The following CPVL variants were observed in gnomAD, a reference collection of about 807,000 sequenced individuals.
CPVL encodes the protein carboxypeptidase vitellogenic like.
Under a neutral mutation model 63.7 loss-of-function variants are expected in CPVL, and 51 were observed. That is an observed-to-expected ratio of 0.80 (90% confidence interval 0.64 to 1.01). CPVL has a LOEUF of 1.01. Ranked by LOEUF, CPVL falls within the 50% of genes least tolerant of loss-of-function variation. CPVL has a pLI of 0.00. For synonymous variants in CPVL, 195 were observed against 206.0 expected (o/e 0.95, Z 0.46); for missense variants, 530 against 573.1 (o/e 0.92, Z 0.77).
At chr7:29,194,934 G>T in intron 1 of CPVL, 6 of 1,565,876 alleles carry the variant, frequency 3.8e-6, no homozygotes, top group Non-Finnish European at 5.2e-6. Context: ...CGCGAGGGGC[G>T]CGCGGAGATG....
chr7:28,996,040 T>C, intron 12 of CPVL, 158 bp from the exon 13 acceptor site: 1 of 510,464 alleles, frequency 2.0e-6, no homozygotes, highest in Non-Finnish European at 3.4e-6. Context: ...ATCTGGCTGT[T>C]GATGGCTTTT....
chr7:29,195,137 G>T, exon 1 of CPVL: 1 of 778,204 alleles, frequency 1.3e-6, no homozygotes, highest in Non-Finnish European at 1.9e-6. Context: ...ATACTTGTTT[G>T]GTTCGCCAGC....
At chr7:29,093,758 T>C (rs957055465) in intron 5 of CPVL, among the ~76,000 whole-genome samples, 1 of 152,212 alleles carries the variant, frequency 6.6e-6, no homozygotes, top group South Asian at 2.1e-4. Flanking sequence ...GTTTAATTCA[T>C]CTTTTACTTA....
intron 3 of CPVL, among the ~76,000 whole-genome samples, chr7:29,109,089 G>A (rs1033721553): frequency 6.6e-6 from 1 of 152,204 alleles, no homozygotes. Context: ...AAAATGCACA[G>A]TGCCTAGCAC....
chr7:29,190,951 CT>C (rs903404885), intron 1 of CPVL, among the ~76,000 whole-genome samples: 2 of 151,382 alleles, frequency 1.3e-5, no homozygotes, highest in African/African-American at 2.4e-5. Flanking sequence ...TTTTTTTTCC[CT>C]GAGACAGGGC....
chr7:29,145,103 A>T (rs1035638931), intron 1 of CPVL, among the ~76,000 whole-genome samples: 4 of 151,826 alleles, frequency 2.6e-5, no homozygotes, highest in African/African-American at 7.3e-5. Flanking sequence ...ACGACCATGC[A>T]GACTTTCATA....
At chr7:29,185,013 C>T (rs569149286) in intron 3 of CPVL, among the ~76,000 whole-genome samples, 2 of 152,138 alleles carry the variant, frequency 1.3e-5, no homozygotes, top group African/African-American at 4.8e-5. Context: ...GTCTGTGATA[C>T]CCCCTCTTTC....
chr7:29,130,180 G>A (rs1192427571), intron 1 of CPVL, among the ~76,000 whole-genome samples: 2 of 152,212 alleles, frequency 1.3e-5, no homozygotes, highest in East Asian at 3.9e-4. Context: ...GACTATGGAA[G>A]GAGTTGGGAT....
chr7:29,068,625 C>T (rs935395796), intron 9 of CPVL, among the ~76,000 whole-genome samples: 1 of 151,868 alleles, frequency 6.6e-6, no homozygotes, highest in Non-Finnish European at 1.5e-5. Context: ...ATGGAGGCAT[C>T]TGCCTGCCCC....
intron 11 of CPVL, among the ~76,000 whole-genome samples, chr7:29,038,344 C>T (rs555088800): frequency 3.3e-5 from 5 of 152,238 alleles, no homozygotes; most frequent in Admixed American, 2.6e-4. Flanking sequence ...CTCTTTCCAC[C>T]ATGTGAGGAT....
intron 7 of CPVL, among the ~76,000 whole-genome samples, chr7:29,075,490 G>A (rs1375970053): frequency 4.8e-5 from 6 of 124,136 alleles, no homozygotes; most frequent in African/African-American, 9.1e-5. Flanking sequence ...TTCAGTCAAC[G>A]AAATCTTTTC....
intron 11 of CPVL, among the ~76,000 whole-genome samples, chr7:29,045,599 T>C (rs1163726910): frequency 6.6e-6 from 1 of 152,214 alleles, no homozygotes; most frequent in African/African-American, 2.4e-5. Context: ...CAGCTCACAG[T>C]CAACACAGTC....
chr7:29,073,118 G>C (rs1037125032), intron 7 of CPVL, among the ~76,000 whole-genome samples: 17 of 152,116 alleles, frequency 1.1e-4, no homozygotes, highest in African/African-American at 4.1e-4. Flanking sequence ...ATCTCCACTT[G>C]TATGTCTAAT....
intron 2 of CPVL, among the ~76,000 whole-genome samples, chr7:29,114,761 G>A (rs1788608179): frequency 6.6e-6 from 1 of 152,162 alleles, no homozygotes; most frequent in African/African-American, 2.4e-5. Context: ...TAACCTCCCT[G>A]TTCTTCAGTT....
intron 9 of CPVL, among the ~76,000 whole-genome samples, chr7:29,069,456 A>G (rs1039376545): frequency 1.1e-4 from 17 of 152,090 alleles, no homozygotes; most frequent in East Asian, 9.7e-4. Context: ...AAAAAAAAAA[A>G]AAAAGAAAAA....
intron 11 of CPVL, among the ~76,000 whole-genome samples, chr7:29,043,693 A>G (rs1392964889): frequency 6.6e-6 from 1 of 152,218 alleles, no homozygotes; most frequent in Non-Finnish European, 1.5e-5. Context: ...AATGATAATA[A>G]TAACAGTCAT....
At chr7:29,051,419 T>C (rs1790144786) in intron 11 of CPVL, among the ~76,000 whole-genome samples, 1 of 151,788 alleles carries the variant, frequency 6.6e-6, no homozygotes, top group Admixed American at 6.6e-5. Flanking sequence ...AACAATCCCA[T>C]CAAAAAGTGG....
At chr7:29,154,307 C>T (rs1794035599) in intron 5 of CPVL, among the ~76,000 whole-genome samples, 1 of 152,116 alleles carries the variant, frequency 6.6e-6, no homozygotes, top group South Asian at 2.1e-4. Context: ...AGATCAGGCC[C>T]CTCTCCATTC....
intron 5 of CPVL, among the ~76,000 whole-genome samples, chr7:29,179,446 G>T (rs17150615): frequency 0.082 from 12,415 of 152,252 alleles, 699 homozygotes; most frequent in East Asian, 0.2. Flanking sequence ...TGCAGTCTGA[G>T]AATTTTTTGA....
Sources: gnomAD v4.1 joint callset for allele counts (sites outside exome capture counted in the v4.1 genomes callset) on GRCh38, gnomAD v4.1.1 for gene constraint, MANE v1.5 for transcripts, NCBI Gene and HGNC (gene_info 2026-07-23, HGNC 2026-07-21) for gene names.